Variants in SPECC1 observed in about 807,000 individuals in gnomAD.
SPECC1 encodes cytospin-B.
Under a neutral mutation model 104.1 loss-of-function variants are expected in SPECC1, and 62 were observed. The observed-to-expected ratio is 0.60, with a 90% CI of 0.49 to 0.74. SPECC1 has a LOEUF of 0.74. SPECC1 is among the 30% of genes least tolerant of loss of function. SPECC1 has a pLI of 0.00. For synonymous variants in SPECC1, 513 were observed against 501.6 expected, an observed-to-expected ratio of 1.02 and a Z score of -0.30; for missense variants, 1,306 against 1,310.5, an observed-to-expected ratio of 1.00 and a Z score of 0.05.
intron 2 of SPECC1, among the ~76,000 whole-genome samples, chr17:20,110,119 G>T (rs2048410462): frequency 6.6e-6 from 1 of 152,182 alleles, no homozygotes; most frequent in Non-Finnish European, 1.5e-5. Context: ...CTACAGTCGT[G>T]AGTCACTGTG....
rs71157853 is a variant in SPECC1, at chr17:20,016,217, C to CA, written c.-22+6811dup. On this transcript the variant is annotated intron_variant, in intron 1 of 14. Coordinates refer to ENST00000395527, the MANE Select transcript of SPECC1 (RefSeq NM_001243439.2). ...TGGGCGACAGAGAGCGACTCCATCT[C>CA]AAAAAAAAAAAAAAAAAATAGGTAA... Among the ~76,000 whole-genome samples the CA allele has an allele frequency of 5.9e-3, 618 of 103,972 alleles. 3 individuals carry two copies. The highest frequency in any genetic ancestry group is 0.022 in the East Asian group (63 of 2,822). 68.2% of individuals were successfully genotyped at this position (103,972 alleles called of 152,430 possible). A position where few individuals can be genotyped will look rare whatever the true frequency, so the allele number is the denominator to read the frequency against.
Position 20,050,529 on chromosome 17 carries a change from C to T in SPECC1, c.-22+41105C>T, listed in dbSNP as rs2045701653. ...GGAGAGAAGTCTTATTGGAATATTTCAGTAGTTCCTTCACAGTAAGATGTT... is the reference window on the plus strand; with the variant it reads ...GGAGAGAAGTCTTATTGGAATATTTTAGTAGTTCCTTCACAGTAAGATGTT... On this transcript the variant is annotated intron_variant, in intron 1 of 14. Transcript: ENST00000395527. Among the ~76,000 whole-genome samples the T allele has an allele frequency of 2.0e-5, 3 of 152,274 alleles. No homozygotes were observed. In the South Asian group the frequency reaches 6.2e-4, roughly 32 times the overall value.
chr17:20,246,705 A>C (rs757495), intron 8 of SPECC1, among the ~76,000 whole-genome samples: 64,622 of 152,134 alleles, frequency 0.42, 14,348 homozygotes, highest in East Asian at 0.8. Flanking sequence ...CATAGCAAAT[A>C]GAAGAAACAG....
intron 3 of SPECC1, among the ~76,000 whole-genome samples, chr17:20,131,250 G>A (rs1481966677): frequency 6.6e-6 from 1 of 152,108 alleles, no homozygotes; most frequent in Non-Finnish European, 1.5e-5. Context: ...GGAGTGCAGT[G>A]GCATGATCTC....
intron 12 of SPECC1, among the ~76,000 whole-genome samples, chr17:20,289,052 G>C (rs2041064209): frequency 6.6e-6 from 1 of 152,056 alleles, no homozygotes; most frequent in Admixed American, 6.6e-5. Context: ...CAAAGTGCTG[G>C]GATTATAGGC....
In SPECC1 at chr17:20,317,360, A is replaced by C. The variant is rs2142292855; in HGVS notation, c.*3295A>C. 1 of 156,516 alleles carries C rather than the reference A, an allele frequency of 6.4e-6. No individual in the cohort carries two copies. The highest frequency in any genetic ancestry group is 2.7e-5 in the African/African-American group (1 of 36,888). 9.7% of individuals were successfully genotyped at this position (156,516 alleles called of 1,614,324 possible). On this transcript the variant is annotated 3_prime_UTR_variant, in exon 15 of 15. Coordinates refer to ENST00000395527, the MANE Select transcript of SPECC1 (RefSeq NM_001243439.2). Reference sequence around the variant, plus strand: ...ATTACAACTTCCGCCTCCCAGGTTCAAGAGATTCTCCTGCCTTAGCCTCCT... The same window carrying C: ...ATTACAACTTCCGCCTCCCAGGTTCCAGAGATTCTCCTGCCTTAGCCTCCT...
chr17:20,105,726 C>T lies in SPECC1; in HGVS notation c.148-4701C>T, dbSNP rs372222835. 8.2e-4 allele frequency among the ~76,000 whole-genome samples: 125 copies of T among 152,326 alleles called. No individual in the cohort carries two copies. In the South Asian group the frequency reaches 0.012, roughly 15 times the overall value. On this transcript the variant is annotated intron_variant, in intron 2 of 14. Transcript: ENST00000395527. The stretch of plus-strand genomic sequence containing the variant: ...ACCATGCCAGGTCCTCTTGCAGTGC[C>T]TCAAAGGCAAAACTCCCACTGCTTG...
At chr17:20,301,217 A>G (rs1380489390) in intron 13 of SPECC1, among the ~76,000 whole-genome samples, 1 of 152,144 alleles carries the variant, frequency 6.6e-6, no homozygotes, top group Non-Finnish European at 1.5e-5. Flanking sequence ...AAAACTGAGC[A>G]CACGGGGGGA....
chr17:20,158,091 A>G (rs2032769895), intron 3 of SPECC1, among the ~76,000 whole-genome samples: 1 of 152,228 alleles, frequency 6.6e-6, no homozygotes, highest in Admixed American at 6.5e-5. Context: ...GAGCTTTGTT[A>G]AAGATGCGTG....
chr17:20,054,602 G>A (rs138449185), intron 1 of SPECC1, among the ~76,000 whole-genome samples: 1 of 152,198 alleles, frequency 6.6e-6, no homozygotes, highest in East Asian at 1.9e-4. Flanking sequence ...GATGAGGGTC[G>A]ATGCTCTGTT....
chr17:20,191,587 T>C (rs114582127), intron 3 of SPECC1, among the ~76,000 whole-genome samples: 338 of 151,806 alleles, frequency 2.2e-3, no homozygotes, highest in African/African-American at 7.9e-3. Flanking sequence ...GATGGTTTGT[T>C]GCACCCATCA....
At chr17:20,164,662 A>G (rs1254852770) in intron 3 of SPECC1, among the ~76,000 whole-genome samples, 6 of 152,038 alleles carry the variant, frequency 3.9e-5, no homozygotes, top group Non-Finnish European at 5.9e-5. Context: ...AGTTTTCTCA[A>G]CCTTCATCTG....
chr17:20,270,939 AAGG>A (rs1192836794), intron 12 of SPECC1, among the ~76,000 whole-genome samples: 2 of 152,210 alleles, frequency 1.3e-5, no homozygotes, highest in Non-Finnish European at 2.9e-5. Context: ...ATTGCAGATG[AAGG>A]AGAAGCACTT....
At chr17:20,204,058 T>G (rs921952633) in intron 3 of SPECC1, among the ~76,000 whole-genome samples, 2 of 152,140 alleles carry the variant, frequency 1.3e-5, no homozygotes, top group African/African-American at 4.8e-5. Context: ...ACATTGATCT[T>G]AATTGAGTTG....
chr17:20,175,086 G>A (rs778336078), intron 3 of SPECC1, among the ~76,000 whole-genome samples: 21 of 152,114 alleles, frequency 1.4e-4, no homozygotes, highest in Non-Finnish European at 2.9e-4. Flanking sequence ...CAGTTTTGGC[G>A]GGAGAGCCCT....
chr17:20,199,446 G>C (rs1279566437), intron 3 of SPECC1, among the ~76,000 whole-genome samples: 1 of 142,100 alleles, frequency 7.0e-6, no homozygotes, highest in African/African-American at 2.6e-5. Flanking sequence ...GGTCACCCAG[G>C]CTGGAGTACA....
At chr17:20,255,551 A>G (rs967673676) in intron 10 of SPECC1, among the ~76,000 whole-genome samples, 10 of 152,200 alleles carry the variant, frequency 6.6e-5, no homozygotes, top group African/African-American at 2.2e-4. Context: ...AAAGTTTTCT[A>G]TTGTGTAGAG....
chr17:20,051,097 TTTCTTTCTTTC>T (rs2045742134), intron 1 of SPECC1, among the ~76,000 whole-genome samples: 9 of 117,832 alleles, frequency 7.6e-5, no homozygotes, highest in East Asian at 7.3e-4. Context: ...TCTTTCTTTC[TTTCTTTCTTTC>T]TTTCTTTCTT....
At chr17:20,066,428 A>T (rs955775557) in intron 1 of SPECC1, among the ~76,000 whole-genome samples, 1 of 152,192 alleles carries the variant, frequency 6.6e-6, no homozygotes, top group African/African-American at 2.4e-5. Context: ...TTAGGAACTT[A>T]GCCTGCACGG....
Sources: allele counts gnomAD v4.1 joint callset (sites outside exome capture counted in the v4.1 genomes callset), GRCh38; gene constraint gnomAD v4.1.1; transcripts MANE v1.5; gene names NCBI Gene and HGNC (gene_info 2026-07-23, HGNC 2026-07-21).